TAOK3: variants seen among roughly 807,000 people sequenced by gnomAD.
The protein encoded by TAOK3 is serine/threonine-protein kinase TAO3.
Under a neutral mutation model 120.4 loss-of-function variants are expected in TAOK3, and 40 were observed. The observed-to-expected ratio is 0.33, with a 90% CI of 0.26 to 0.43. TAOK3 has a LOEUF of 0.43. Ranked by LOEUF, TAOK3 falls within the 20% of genes least tolerant of loss-of-function variation. TAOK3 has a pLI of 1.00. For missense variants in TAOK3, 821 were observed against 1,112.1 expected, an observed-to-expected ratio of 0.74 and a Z score of 3.72; for synonymous variants, 355 against 387.5, an observed-to-expected ratio of 0.92 and a Z score of 0.99.
Position 118,161,540 on chromosome 12 carries a change from A to T in TAOK3, c.2139+248T>A, listed in dbSNP as rs1274019750. On this transcript the variant is annotated intron_variant, in intron 18 of 20. Transcript: ENST00000392533. This position sits in a 1 kb window ranked among gnomAD's most constrained non-coding sequence, Gnocchi z 4.5. ...GGCAGGTCATGAAGTGCTCAGAGAAATTCCATAATGGATATGATGACAAAT... is the reference window on the plus strand; with the variant it reads ...GGCAGGTCATGAAGTGCTCAGAGAATTTCCATAATGGATATGATGACAAAT... Among the ~76,000 whole-genome samples the T allele has an allele frequency of 6.6e-6, 1 of 152,254 alleles. No homozygotes were observed. The highest frequency in any genetic ancestry group is 2.4e-5 in the African/African-American group (1 of 41,474).
intron 11 of TAOK3, among the ~76,000 whole-genome samples, chr12:118,204,214 C>A (rs1212195898): frequency 1.3e-5 from 2 of 150,312 alleles, no homozygotes; most frequent in Non-Finnish European, 2.9e-5. Flanking sequence ...TTGCAGTGAG[C>A]CGAGATTGCA....
intron 1 of TAOK3, among the ~76,000 whole-genome samples, chr12:118,329,998 C>T (rs921672762): frequency 1.2e-4 from 18 of 152,250 alleles, no homozygotes; most frequent in Middle Eastern, 3.4e-3. Flanking sequence ...TCTGTATCAA[C>T]AACAACCCCA....
intron 1 of TAOK3, among the ~76,000 whole-genome samples, chr12:118,306,458 G>C (rs190638791): frequency 6.6e-6 from 1 of 152,228 alleles, no homozygotes; most frequent in Non-Finnish European, 1.5e-5. Flanking sequence ...GATTACAGGG[G>C]TGAGCCTCCT....
At chr12:118,365,562 T>C (rs2045720506) in intron 1 of TAOK3, among the ~76,000 whole-genome samples, 1 of 152,196 alleles carries the variant, frequency 6.6e-6, no homozygotes, top group South Asian at 2.1e-4. Context: ...TAGTACCTTT[T>C]AGATATATGT....
At chr12:118,287,331 G>A (rs946934879) in intron 1 of TAOK3, among the ~76,000 whole-genome samples, 3 of 152,084 alleles carry the variant, frequency 2.0e-5, no homozygotes, top group Non-Finnish European at 4.4e-5. Flanking sequence ...TCTGCTCACT[G>A]CAGCCTCCAC....
At chr12:118,218,515 T>C (rs1162635550) in intron 9 of TAOK3, among the ~76,000 whole-genome samples, 1 of 152,170 alleles carries the variant, frequency 6.6e-6, no homozygotes, top group Non-Finnish European at 1.5e-5. Context: ...TTATGATATC[T>C]AGTGTAATGT....
intron 1 of TAOK3, among the ~76,000 whole-genome samples, chr12:118,331,587 G>A (rs1324474313): frequency 1.4e-5 from 2 of 142,474 alleles, no homozygotes; most frequent in African/African-American, 2.7e-5. Flanking sequence ...GGAGGTTGCA[G>A]TGATCCAAGA....
chr12:118,307,306 T>C (rs2043087595), intron 1 of TAOK3, among the ~76,000 whole-genome samples: 1 of 151,942 alleles, frequency 6.6e-6, no homozygotes, highest in Non-Finnish European at 1.5e-5. Context: ...ATCTAACCAG[T>C]AGTCTAACTC....
At chr12:118,274,738 C>A (rs941717788) in intron 1 of TAOK3, among the ~76,000 whole-genome samples, 3 of 152,092 alleles carry the variant, frequency 2.0e-5, no homozygotes, top group Admixed American at 2.0e-4. Context: ...CAGAGATTCT[C>A]GTGCCTCAAT....
At chr12:118,300,639 G>C (rs1305834632) in intron 1 of TAOK3, among the ~76,000 whole-genome samples, 1 of 152,072 alleles carries the variant, frequency 6.6e-6, no homozygotes, top group Non-Finnish European at 1.5e-5. Context: ...ATTTTGTAAA[G>C]TGCTCTTTTC....
intron 1 of TAOK3, among the ~76,000 whole-genome samples, chr12:118,271,740 A>C (rs1159602465): frequency 6.6e-6 from 1 of 152,218 alleles, no homozygotes; most frequent in Non-Finnish European, 1.5e-5. Flanking sequence ...ATATTCCATA[A>C]AAATCTGATG....
chr12:118,228,928 T>A (rs1467132986), intron 9 of TAOK3, among the ~76,000 whole-genome samples: 1 of 152,186 alleles, frequency 6.6e-6, no homozygotes, highest in African/African-American at 2.4e-5. Flanking sequence ...TATTCCTTTT[T>A]ATTTTTATTT....
chr12:118,331,837 T>C (rs1166557210), intron 1 of TAOK3, among the ~76,000 whole-genome samples: 1 of 150,908 alleles, frequency 6.6e-6, no homozygotes, highest in Non-Finnish European at 1.5e-5. Context: ...ATTTTTTTTT[T>C]TTTTTTTGAG....
intron 1 of TAOK3, among the ~76,000 whole-genome samples, chr12:118,317,399 C>T (rs1228291755): frequency 2.7e-5 from 4 of 150,556 alleles, no homozygotes; most frequent in South Asian, 4.3e-4. Flanking sequence ...TCTGGGTTCA[C>T]GCCATTCTCC....
chr12:118,165,963 T>A (rs540744160), intron 17 of TAOK3, among the ~76,000 whole-genome samples: 6 of 152,338 alleles, frequency 3.9e-5, no homozygotes, highest in African/African-American at 1.4e-4. Context: ...CCTTTAATAT[T>A]TGAGACATGG....
intron 17 of TAOK3, among the ~76,000 whole-genome samples, chr12:118,164,319 T>C (rs1034660555): frequency 6.7e-6 from 1 of 148,174 alleles, no homozygotes; most frequent in African/African-American, 2.5e-5. Flanking sequence ...AGAGCGAGAC[T>C]CCGTCTCAAA....
At chr12:118,151,337 G>A (rs928613132) in intron 20 of TAOK3, among the ~76,000 whole-genome samples, 179 bp from the exon 21 acceptor site, 7 of 151,564 alleles carry the variant, frequency 4.6e-5, no homozygotes, top group Non-Finnish European at 1.5e-5. Flanking sequence ...CGGGAGGACC[G>A]AGGAAGGCTG....
chr12:118,322,090 G>T (rs867985445), intron 1 of TAOK3, among the ~76,000 whole-genome samples: 1 of 151,966 alleles, frequency 6.6e-6, no homozygotes, highest in Non-Finnish European at 1.5e-5. Flanking sequence ...AGAGGCAGGC[G>T]GATCACTTGA....
At chr12:118,240,643 C>T (rs1326412945) in intron 5 of TAOK3, among the ~76,000 whole-genome samples, 2 of 152,154 alleles carry the variant, frequency 1.3e-5, no homozygotes, top group South Asian at 4.2e-4. Context: ...TGCACCTGGC[C>T]CTTCTTATCC....
Sources: gnomAD v4.1 joint callset for allele counts (sites outside exome capture counted in the v4.1 genomes callset) on GRCh38, gnomAD v4.1.1 for gene constraint, Gnocchi (gnomAD v3.1) non-coding constraint, MANE v1.5 for transcripts, NCBI Gene and HGNC (gene_info 2026-07-23, HGNC 2026-07-21) for gene names.